Variants in VPS13D observed in about 807,000 individuals in gnomAD.
VPS13D encodes vacuolar protein sorting 13 homolog D.
A neutral mutation model predicts 461.9 loss-of-function variants in VPS13D; 187 were observed. The observed-to-expected ratio is 0.40, with a 90% CI of 0.36 to 0.46. The LOEUF is 0.46. Among genes scored for constraint, VPS13D ranks in the 20% least tolerant of loss-of-function variants. The pLI, the probability that VPS13D is intolerant of heterozygous loss-of-function variation, is 0.60. For missense variants in VPS13D, 4,711 were observed against 5,364.9 expected (o/e 0.88, Z 3.81); for synonymous variants, 1,951 against 1,986.3 (o/e 0.98, Z 0.47).
At chr1:12,236,826 A>G (rs960561864) in intron 2 of VPS13D, among the ~76,000 whole-genome samples, 2 of 151,988 alleles carry the variant, frequency 1.3e-5, no homozygotes, top group African/African-American at 4.8e-5. Context: ...TTTACCAGTA[A>G]CCTGGGTAGG....
rs980467099 is a variant in VPS13D, at chr1:12,379,560, A to C, written c.11154A>C (p.Gly3718=). The part of the protein sequence containing the change: ...STTQTWSFRE[G]KLTCGLHGLV... ...CTCAGACGTGGAGTTTCCGAGAAGG[A>C]AAACTGACCTGTGGGTTACATGGGT... is the stretch of plus-strand genomic sequence containing the variant. Residue 3718 remains glycine (G), a synonymous_variant, in exon 57 of 70, where the codon GGA becomes GGC. Coordinates refer to ENST00000620676, the MANE Select transcript of VPS13D (RefSeq NM_015378.4). 3.1e-6 allele frequency: 5 copies of C among 1,613,416 alleles called. No individual in the cohort carries two copies. The highest frequency in any genetic ancestry group is 3.4e-6 in the Non-Finnish European group (4 of 1,179,754).
chr1:12,362,899 G>A (rs1185407020), intron 51 of VPS13D, 49 bp downstream of exon 51: 2 of 1,611,254 alleles, frequency 1.2e-6, no homozygotes, highest in South Asian at 1.1e-5. Flanking sequence ...AATAGCACGA[G>A]TTTTAATGTC....
intron 67 of VPS13D, among the ~76,000 whole-genome samples, chr1:12,475,172 G>A (rs571118435): frequency 1.3e-3 from 192 of 152,298 alleles, no homozygotes; most frequent in Non-Finnish European, 8.2e-4. Context: ...GGTACTGGAA[G>A]CAGCTTGGCC....
intron 65 of VPS13D, among the ~76,000 whole-genome samples, chr1:12,429,387 G>A (rs916641500): frequency 3.3e-5 from 5 of 151,996 alleles, no homozygotes; most frequent in African/African-American, 1.2e-4. Context: ...CTGCCGCCTA[G>A]GTTCAAGTGA....
intron 25 of VPS13D, among the ~76,000 whole-genome samples, chr1:12,302,079 C>T (rs1642438424): frequency 6.6e-6 from 1 of 152,180 alleles, no homozygotes; most frequent in African/African-American, 2.4e-5. Flanking sequence ...CAGCACAGTA[C>T]TGTGTTGAAT....
chr1:12,329,362 C>T (rs1033435492), intron 36 of VPS13D, among the ~76,000 whole-genome samples: 3 of 152,082 alleles, frequency 2.0e-5, no homozygotes, highest in Admixed American at 6.5e-5. Context: ...TACAGGCGCC[C>T]GCTACCACGC....
chr1:12,367,637 CA>C (rs1644056065), intron 52 of VPS13D: 1 of 151,824 alleles, frequency 6.6e-6, no homozygotes, highest in Admixed American at 6.6e-5. Flanking sequence ...TGCAGTGGCA[CA>C]ATCTCGGCTC....
intron 66 of VPS13D, among the ~76,000 whole-genome samples, chr1:12,456,433 T>C (rs1023195744): frequency 4.0e-5 from 6 of 150,418 alleles, no homozygotes; most frequent in Non-Finnish European, 7.4e-5. Flanking sequence ...AGGTCAGGAG[T>C]TTGAGACCAG....
Position 12,277,819 on chromosome 1 carries a change from G to A in VPS13D, c.4231G>A (p.Val1411Met). The part of the protein sequence containing the change: ...HLGQIFIQNF[V>M]AGDDESRSDR... ...GGGACAGATATTCATCCAGAATTTT[G>A]TGGCGGGAGATGATGAATCCAGAAG... Residue 1411 changes from valine (V) to methionine (M), a missense_variant, in exon 19 of 70, where the codon GTG becomes ATG. Transcript: ENST00000620676. The A allele has an allele frequency of 6.2e-7, 1 of 1,614,070 alleles. No homozygotes were observed. Among genetic ancestry groups the A allele is most frequent in the African/African-American group, 1.3e-5 (1 of 75,040 alleles).
intron 68 of VPS13D, among the ~76,000 whole-genome samples, chr1:12,506,016 T>C (rs1304995993): frequency 2.0e-5 from 3 of 152,204 alleles, no homozygotes; most frequent in Non-Finnish European, 4.4e-5. Context: ...CGACTGCCAC[T>C]CCGTCGTCAG....
chr1:12,315,045 T>C (rs1405016340), intron 30 of VPS13D, among the ~76,000 whole-genome samples: 3 of 152,242 alleles, frequency 2.0e-5, no homozygotes, highest in Admixed American at 6.5e-5. Flanking sequence ...TATGCTGATA[T>C]AACATGTTGT....
At chr1:12,358,239 G>A (rs575460440) in intron 49 of VPS13D, among the ~76,000 whole-genome samples, 2 of 152,296 alleles carry the variant, frequency 1.3e-5, no homozygotes, top group East Asian at 3.9e-4. Context: ...GTAGATGTCA[G>A]TAAATTTCAC....
chr1:12,493,762 G>A (rs1645920280), intron 67 of VPS13D, among the ~76,000 whole-genome samples: 1 of 152,184 alleles, frequency 6.6e-6, no homozygotes. Flanking sequence ...CTAGCTTACT[G>A]TTAGCTTTTT....
chr1:12,486,147 G>A (rs1466754085), intron 67 of VPS13D, among the ~76,000 whole-genome samples: 2 of 152,214 alleles, frequency 1.3e-5, no homozygotes, highest in East Asian at 1.9e-4. Flanking sequence ...TTTGACACAA[G>A]TTCAAGGAGA....
At chr1:12,457,956 A>G (rs907665047) in intron 66 of VPS13D, among the ~76,000 whole-genome samples, 1 of 152,262 alleles carries the variant, frequency 6.6e-6, no homozygotes, top group Non-Finnish European at 1.5e-5. Context: ...TTTAAAATGA[A>G]TATAAAATGC....
intron 57 of VPS13D, among the ~76,000 whole-genome samples, chr1:12,379,837 C>T (rs1456051024): frequency 2.6e-5 from 4 of 151,052 alleles, no homozygotes; most frequent in African/African-American, 4.9e-5. Flanking sequence ...GGCACAATCT[C>T]GGCTCACTGC....
chr1:12,507,066 C>T lies in VPS13D; in HGVS notation c.13008C>T (p.Ile4336=). ...TGAGCACGAGCAGTGGAGTGTCCATCCCCGGCCCCTCCCACCAGAAGCCCA... is the reference window on the plus strand; with the variant it reads ...TGAGCACGAGCAGTGGAGTGTCCATTCCCGGCCCCTCCCACCAGAAGCCCA... ...KAVSTSSGVS[I]PGPSHQKPMV... Residue 4336 remains isoleucine, a synonymous_variant, in exon 69 of 70, where the codon ATC becomes ATT. Transcript: ENST00000620676. The surrounding 1 kb of genome is among the most constrained non-coding windows in gnomAD (Gnocchi z 5.3). The T allele has an allele frequency of 3.7e-6, 6 of 1,614,218 alleles. No homozygotes were observed. Among genetic ancestry groups the T allele is most frequent in the African/African-American group, 1.3e-5 (1 of 75,078 alleles).
rs1452382197 is a variant in VPS13D at position 12,375,691 on chromosome 1, C to A, written c.10917+1833C>A. Among the ~76,000 whole-genome samples, 4 of 152,216 alleles carry A rather than the reference C, an allele frequency of 2.6e-5. No homozygotes were observed. The East Asian group carries it at 5.8e-4, about 22-fold the overall frequency. On this transcript the variant is annotated intron_variant, in intron 55 of 69. Coordinates refer to ENST00000620676, the MANE Select transcript of VPS13D (RefSeq NM_015378.4). Reference sequence around the variant, plus strand: ...TGCCCTCTTCCCACCCTGTCCTTCGCAGGAATGCCCTCCTCACCTCCCTCT... The same window carrying A: ...TGCCCTCTTCCCACCCTGTCCTTCGAAGGAATGCCCTCCTCACCTCCCTCT...
intron 62 of VPS13D, among the ~76,000 whole-genome samples, chr1:12,403,416 C>T (rs1337550664): frequency 2.0e-5 from 3 of 152,220 alleles, no homozygotes; most frequent in Non-Finnish European, 4.4e-5. Context: ...TGGTGATATC[C>T]ATTTTGATTC....
Sources: gnomAD v4.1 joint callset for allele counts (sites outside exome capture counted in the v4.1 genomes callset) on GRCh38, gnomAD v4.1.1 for gene constraint, Gnocchi (gnomAD v3.1) non-coding constraint, MANE v1.5 for transcripts, NCBI Gene and HGNC (gene_info 2026-07-23, HGNC 2026-07-21) for gene names.